CDH4: variants seen among roughly 807,000 people sequenced by gnomAD.
CDH4 encodes the protein cadherin-4.
A neutral mutation model predicts 86.0 loss-of-function variants in CDH4; 33 were observed. The ratio of observed to expected loss-of-function variants is 0.38; its 90% CI spans 0.29 to 0.51. The LOEUF is 0.51. Ranked by LOEUF, CDH4 falls within the 20% of genes least tolerant of loss-of-function variation. The pLI, the probability that CDH4 is intolerant of heterozygous loss-of-function variation, is 0.86. For synonymous variants in CDH4, 555 were observed against 549.4 expected, an observed-to-expected ratio of 1.01 and a Z score of -0.14; for missense variants, 1,114 against 1,307.4, an observed-to-expected ratio of 0.85 and a Z score of 2.28.
chr20:61,433,684 AGT>A (rs2085262854), intron 2 of CDH4, among the ~76,000 whole-genome samples: 2 of 152,118 alleles, frequency 1.3e-5, no homozygotes, highest in African/African-American at 4.8e-5. Flanking sequence ...TAAAGGAGAG[AGT>A]GGTGGCGCAT....
In CDH4 at chr20:61,724,472, C is replaced by T. The variant is rs559284414; in HGVS notation, c.170-19091C>T. ...AGCTCAGCCCTGCCCCCTGCACTCC[C>T]GTGGAGCCCAGAGGTATTTACCCAA... On this transcript the variant is annotated intron_variant, in intron 2 of 15. Transcript: ENST00000614565. Among the ~76,000 whole-genome samples the T allele has an allele frequency of 2.2e-4, 34 of 152,338 alleles. 1 individual carries two copies. The South Asian group carries it at 5.8e-3, about 26-fold the overall frequency.
intron 2 of CDH4, among the ~76,000 whole-genome samples, chr20:61,365,657 A>T (rs761934463): frequency 1.1e-4 from 17 of 152,092 alleles, no homozygotes; most frequent in Admixed American, 5.9e-4. Context: ...GGCCTGGTGC[A>T]TTGGTGAGAG....
chr20:61,323,741 G>A (rs2084521516), intron 2 of CDH4, among the ~76,000 whole-genome samples: 1 of 152,168 alleles, frequency 6.6e-6, no homozygotes, highest in Admixed American at 6.5e-5. Flanking sequence ...ACTGAAGGGG[G>A]CTCTCCCTGG....
At chr20:61,701,592 G>C (rs905920062) in intron 2 of CDH4, among the ~76,000 whole-genome samples, 4 of 152,222 alleles carry the variant, frequency 2.6e-5, no homozygotes, top group African/African-American at 9.6e-5. Flanking sequence ...GTGCCATGGG[G>C]TGCCTTCCAG....
At chr20:61,923,986 A>G (rs796606354) in intron 10 of CDH4, among the ~76,000 whole-genome samples, 41 of 152,328 alleles carry the variant, frequency 2.7e-4, no homozygotes, top group African/African-American at 9.6e-4. Context: ...TCATAGCTAT[A>G]AGACTCAGCA....
At chr20:61,868,611 T>A (rs1013322454) in intron 6 of CDH4, among the ~76,000 whole-genome samples, 3 of 152,178 alleles carry the variant, frequency 2.0e-5, no homozygotes, top group Non-Finnish European at 4.4e-5. Flanking sequence ...AGATGTCCCC[T>A]CCACGCTGGC....
In CDH4 at chr20:61,572,824, TATGGATGGATGGATGG is replaced by T. The variant is rs56253553; in HGVS notation, c.170-170709_170-170694del. Among the ~76,000 whole-genome samples, 33 of 146,184 alleles carry T rather than the reference TATGGATGGATGGATGG, an allele frequency of 2.3e-4. No homozygotes were observed. In the South Asian group the frequency reaches 4.1e-3, roughly 18 times the overall value. Reference sequence around the variant, plus strand: ...ACAGATGATTCCTCTTTCAGAACACTATGGATGGATGGATGGATGGATGGATGGATGGATGGATGGA... The same window carrying T: ...ACAGATGATTCCTCTTTCAGAACACTATGGATGGATGGATGGATGGATGGA... On this transcript the variant is annotated intron_variant, in intron 2 of 15. Coordinates refer to ENST00000614565, the MANE Select transcript of CDH4 (RefSeq NM_001794.5).
intron 2 of CDH4, among the ~76,000 whole-genome samples, chr20:61,660,566 A>G (rs1600849837): frequency 1.3e-5 from 2 of 152,196 alleles, no homozygotes; most frequent in South Asian, 2.1e-4. Context: ...CTGTTTGAAT[A>G]TGGATTGTGT....
At chr20:61,277,140 C>T (rs1366123721) in intron 2 of CDH4, among the ~76,000 whole-genome samples, 2 of 152,216 alleles carry the variant, frequency 1.3e-5, no homozygotes, top group Admixed American at 1.3e-4. Flanking sequence ...TTGGCTGCCA[C>T]CTCTGACTGG....
In CDH4 at chr20:61,685,566, G is replaced by A. The variant is rs534798128; in HGVS notation, c.170-57997G>A. Reference sequence around the variant, plus strand: ...GCCCCACCACCCCGCTGTTTGTGGCGCTTTCTGTCAGTGTCCTGATTCGGT... The same window carrying A: ...GCCCCACCACCCCGCTGTTTGTGGCACTTTCTGTCAGTGTCCTGATTCGGT... On this transcript the variant is annotated intron_variant, in intron 2 of 15. Coordinates refer to ENST00000614565, the MANE Select transcript of CDH4 (RefSeq NM_001794.5). Among the ~76,000 whole-genome samples, 19 of 152,344 alleles carry A rather than the reference G, an allele frequency of 1.2e-4. No homozygotes were observed. In the East Asian group the frequency reaches 2.3e-3, roughly 19 times the overall value.
chr20:61,562,036 G>A (rs1236302368), intron 2 of CDH4, among the ~76,000 whole-genome samples: 2 of 148,124 alleles, frequency 1.4e-5, no homozygotes, highest in African/African-American at 5.1e-5. Flanking sequence ...GGGCCTTCGT[G>A]TGGAGAGGTG....
Position 61,377,788 on chromosome 20 carries a change from G to A in CDH4, c.169+122851G>A, listed in dbSNP as rs1394779963. 2.0e-5 allele frequency among the ~76,000 whole-genome samples: 3 copies of A among 152,234 alleles called. No homozygotes were observed. Among genetic ancestry groups the A allele is most frequent in the Admixed American group, 6.5e-5 (1 of 15,288 alleles). ...TTCCCCATCTGGACTCCTTAGGTCG[G>A]TCCACTGGCCTGTGCCTTGTCCTTA... On this transcript the variant is annotated intron_variant, in intron 2 of 15. Transcript: ENST00000614565. The surrounding 1 kb of genome is among the most constrained non-coding windows in gnomAD (Gnocchi z 4.0).
chr20:61,622,373 T>C (rs1393081694), intron 2 of CDH4, among the ~76,000 whole-genome samples: 1 of 152,000 alleles, frequency 6.6e-6, no homozygotes, highest in African/African-American at 2.4e-5. Flanking sequence ...TTGCTGAGAG[T>C]TAAGAGGTGT....
Position 61,923,615 on chromosome 20 carries a change from G to C in CDH4, c.1539G>C (p.Leu513=), listed in dbSNP as rs267606036. The C allele has an allele frequency of 1.9e-6, 3 of 1,614,120 alleles. No individual in the cohort carries two copies. The highest frequency in any genetic ancestry group is 1.7e-5 in the Admixed American group (1 of 60,024). The change falls in exon 10 of 16, where the codon CTG becomes CTC. Residue 513 remains leucine (L), a synonymous_variant. Coordinates refer to ENST00000614565, the MANE Select transcript of CDH4 (RefSeq NM_001794.5). ...EAPYFPSNHK[L]IRLEEGVPPG... ...CCTACTTCCCCTCAAACCACAAGCT[G>C]ATCCGCCTGGAGGAGGGCGTGCCCC...
rs1229720078 is a variant in CDH4 at position 61,284,121 on chromosome 20, C to T, written c.169+29184C>T. ...GAGATCGAGACCATCCTGGCTAACA[C>T]GGTGAAAACCCATCTCTACTAAAAA... On this transcript the variant is annotated intron_variant, in intron 2 of 15. Transcript: ENST00000614565. Among the ~76,000 whole-genome samples, 13 of 148,624 alleles carry T rather than the reference C, an allele frequency of 8.7e-5. No homozygotes were observed. The East Asian group carries it at 1.2e-3, about 14-fold the overall frequency.
At chr20:61,652,926 A>ATTTTT (rs1430069868) in intron 2 of CDH4, among the ~76,000 whole-genome samples, 2 of 112,614 alleles carry the variant, frequency 1.8e-5, no homozygotes, top group African/African-American at 6.1e-5. Flanking sequence ...GAATTTATTT[A>ATTTTT]TTTATTTATT....
chr20:61,646,198 G>A (rs999723303), intron 2 of CDH4, among the ~76,000 whole-genome samples: 2 of 151,988 alleles, frequency 1.3e-5, no homozygotes, highest in Admixed American at 6.6e-5. Context: ...AAAGAACCCG[G>A]CACCTAGATC....
At chr20:61,541,322 GCTC>G (rs1222933420) in intron 2 of CDH4, among the ~76,000 whole-genome samples, 3 of 152,352 alleles carry the variant, frequency 2.0e-5, no homozygotes, top group African/African-American at 2.4e-5. Flanking sequence ...CAAGGACGAA[GCTC>G]CTCCTGGGAT....
chr20:61,444,331 G>A (rs1469938407), intron 2 of CDH4, among the ~76,000 whole-genome samples: 1 of 139,194 alleles, frequency 7.2e-6, no homozygotes, highest in Non-Finnish European at 1.5e-5. Flanking sequence ...CTGCACGTGT[G>A]TTTCTCTGTG....
Sources: allele counts gnomAD v4.1 joint callset (sites outside exome capture counted in the v4.1 genomes callset), GRCh38; gene constraint gnomAD v4.1.1; non-coding constraint Gnocchi (gnomAD v3.1); transcripts MANE v1.5; gene names NCBI Gene and HGNC (gene_info 2026-07-23, HGNC 2026-07-21).